SPATA17: variants seen among roughly 807,000 people sequenced by gnomAD.
The protein encoded by SPATA17 is spermatogenesis associated 17.
Under a neutral mutation model 62.2 loss-of-function variants are expected in SPATA17, and 53 were observed. That is an observed-to-expected ratio of 0.85 (90% CI 0.68 to 1.07). The LOEUF is 1.07. Among genes scored for constraint, SPATA17 ranks in the 50% least tolerant of loss-of-function variants. The pLI is 0.00. For missense variants in SPATA17, 466 were observed against 425.5 expected (o/e 1.10, Z -0.84); for synonymous variants, 146 against 146.8 (o/e 0.99, Z 0.04).
intron 3 of SPATA17, among the ~76,000 whole-genome samples, chr1:217,667,096 G>T (rs1670714167): frequency 7.3e-6 from 1 of 136,876 alleles, no homozygotes; most frequent in South Asian, 2.3e-4. Flanking sequence ...CACCTGGGCT[G>T]GAATGCAGTG....
chr1:217,642,962 C>A (rs141198431), intron 1 of SPATA17, among the ~76,000 whole-genome samples: 4 of 152,122 alleles, frequency 2.6e-5, no homozygotes, highest in African/African-American at 9.7e-5. Flanking sequence ...TTCCAAAGAG[C>A]CTTTGTTTCT....
At chr1:217,823,143 G>A (rs770947129) in intron 9 of SPATA17, among the ~76,000 whole-genome samples, 4 of 151,652 alleles carry the variant, frequency 2.6e-5, no homozygotes, top group Non-Finnish European at 4.4e-5. Context: ...TTTTTGTTTG[G>A]TTCTGCTAAG....
intron 9 of SPATA17, among the ~76,000 whole-genome samples, chr1:217,823,451 C>A (rs1366981393): frequency 1.3e-5 from 2 of 151,594 alleles, no homozygotes; most frequent in Admixed American, 6.6e-5. Flanking sequence ...TCACTCTGCT[C>A]TAGTTCTAAG....
intron 3 of SPATA17, among the ~76,000 whole-genome samples, chr1:217,663,166 C>T (rs1670607734): frequency 6.6e-6 from 1 of 152,036 alleles, no homozygotes; most frequent in Admixed American, 6.6e-5. Flanking sequence ...CTGTTCAGGA[C>T]AGGTGCAGTG....
chr1:217,735,290 C>T (rs2102943824), intron 5 of SPATA17, among the ~76,000 whole-genome samples: 1 of 152,322 alleles, frequency 6.6e-6, no homozygotes, highest in South Asian at 2.1e-4. Flanking sequence ...CAGGTGCCAA[C>T]ATATCCATCT....
intron 6 of SPATA17, among the ~76,000 whole-genome samples, chr1:217,763,699 G>A (rs1431679928): frequency 1.3e-5 from 2 of 152,166 alleles, no homozygotes; most frequent in African/African-American, 4.8e-5. Flanking sequence ...CTTCGGTAAA[G>A]ATATTATGGT....
chr1:217,777,287 T>C (rs1255177128), intron 7 of SPATA17, among the ~76,000 whole-genome samples: 1 of 152,240 alleles, frequency 6.6e-6, no homozygotes, highest in Non-Finnish European at 1.5e-5. Context: ...TGATGGTTTA[T>C]ACTGTCTTAG....
At chr1:217,690,491 T>A (rs1373151931) in intron 5 of SPATA17, among the ~76,000 whole-genome samples, 4 of 149,056 alleles carry the variant, frequency 2.7e-5, no homozygotes, top group African/African-American at 9.8e-5. Context: ...TTTTTTTAAT[T>A]ATTTTTTTTT....
chr1:217,804,660 A>C (rs1375773919), intron 9 of SPATA17, among the ~76,000 whole-genome samples: 3 of 152,204 alleles, frequency 2.0e-5, no homozygotes, highest in Non-Finnish European at 4.4e-5. Context: ...TTAATATCTG[A>C]AATATATAAG....
At chr1:217,743,146 C>T (rs1485391132) in intron 6 of SPATA17, among the ~76,000 whole-genome samples, 2 of 151,870 alleles carry the variant, frequency 1.3e-5, no homozygotes, top group Non-Finnish European at 2.9e-5. Context: ...AGAGGTGTTA[C>T]GTAGCTAAGT....
At chr1:217,786,333 C>A (rs1673860450) in intron 8 of SPATA17, among the ~76,000 whole-genome samples, 1 of 151,938 alleles carries the variant, frequency 6.6e-6, no homozygotes, top group East Asian at 1.9e-4. Context: ...GGAAAGCGTT[C>A]TTGACAGATA....
chr1:217,770,805 G>A (rs1161975076), intron 6 of SPATA17, among the ~76,000 whole-genome samples: 4 of 151,936 alleles, frequency 2.6e-5, no homozygotes, highest in African/African-American at 9.6e-5. Context: ...TTAGAAATAC[G>A]GAATGGTTCA....
chr1:217,698,638 T>C (rs1671519908), intron 5 of SPATA17, among the ~76,000 whole-genome samples: 2 of 151,840 alleles, frequency 1.3e-5, no homozygotes, highest in South Asian at 2.1e-4. Context: ...CTTGCAGAAC[T>C]AGAGTACAAT....
At chr1:217,866,696 G>GA (rs1346822974) in intron 10 of SPATA17, 1 of 152,104 alleles carries the variant, frequency 6.6e-6, no homozygotes, top group Non-Finnish European at 1.5e-5. Flanking sequence ...TGTTCATGAA[G>GA]ATCTGCAGTA....
chr1:217,706,466 T>A (rs1378415299), intron 5 of SPATA17, among the ~76,000 whole-genome samples: 1 of 152,196 alleles, frequency 6.6e-6, no homozygotes, highest in East Asian at 1.9e-4. Context: ...TCCCCCATGC[T>A]GTTTTGTGAT....
At chr1:217,806,174 T>C (rs747239190) in intron 9 of SPATA17, among the ~76,000 whole-genome samples, 10 of 152,240 alleles carry the variant, frequency 6.6e-5, no homozygotes, top group Non-Finnish European at 1.0e-4. Flanking sequence ...TTCTATTTCA[T>C]GTTAAGACTT....
At chr1:217,805,243 C>A (rs963795901) in intron 9 of SPATA17, among the ~76,000 whole-genome samples, 1 of 152,000 alleles carries the variant, frequency 6.6e-6, no homozygotes, top group Non-Finnish European at 1.5e-5. Flanking sequence ...CATGGACAAC[C>A]CTGGAGGATC....
At chr1:217,826,888 T>G (rs1675012758) in intron 9 of SPATA17, among the ~76,000 whole-genome samples, 1 of 152,094 alleles carries the variant, frequency 6.6e-6, no homozygotes, top group South Asian at 2.1e-4. Context: ...GGGAAAATAT[T>G]TTACTTCCCT....
chr1:217,846,468 A>G (rs1675530858), intron 9 of SPATA17, among the ~76,000 whole-genome samples: 1 of 152,050 alleles, frequency 6.6e-6, no homozygotes, highest in Admixed American at 6.6e-5. Context: ...AAATTAGATA[A>G]AATCAAGAAC....
Sources: allele counts gnomAD v4.1 joint callset (sites outside exome capture counted in the v4.1 genomes callset), GRCh38; gene constraint gnomAD v4.1.1; transcripts MANE v1.5; gene names NCBI Gene and HGNC (gene_info 2026-07-23, HGNC 2026-07-21).